KIRREL3: variants seen among roughly 807,000 people sequenced by gnomAD.
The protein encoded by KIRREL3 is kirre like nephrin family adhesion molecule 3.
In KIRREL3, 36 loss-of-function variants were observed where a neutral mutation model predicts 89.7. The ratio of observed to expected loss-of-function variants is 0.40; its 90% CI spans 0.31 to 0.53. The LOEUF is 0.53. Ranked by LOEUF, KIRREL3 falls within the 20% of genes least tolerant of loss-of-function variation. KIRREL3 has a pLI of 0.49. For synonymous variants in KIRREL3, 445 were observed against 441.4 expected (o/e 1.01, Z -0.10); for missense variants, 864 against 1,056.6 (o/e 0.82, Z 2.53).
intron 6 of KIRREL3, among the ~76,000 whole-genome samples, chr11:126,457,345 GTGTA>G (rs1050974474): frequency 7.9e-5 from 11 of 139,366 alleles, no homozygotes; most frequent in South Asian, 2.5e-4. Flanking sequence ...ATATGTGTGT[GTGTA>G]TGTATGTCTC....
intron 1 of KIRREL3, among the ~76,000 whole-genome samples, chr11:126,777,394 G>A (rs1019567790): frequency 1.8e-4 from 28 of 152,138 alleles, no homozygotes; most frequent in Non-Finnish European, 4.4e-5. Flanking sequence ...GTTAATGAAG[G>A]CAATGGCAAG....
In KIRREL3 at chr11:126,443,055, A is replaced by G. The variant is rs1451611590; in HGVS notation, c.1252+1924T>C. On this transcript the variant is annotated intron_variant, in intron 10 of 16. Transcript: ENST00000525144. The surrounding 1 kb of genome is among the most constrained non-coding windows in gnomAD (Gnocchi z 7.3). ...CCCCAGGGGGCATTCTCTCCTCAAG[A>G]AATCTCTTTAAATCTCCCTTGGAAA... 6.6e-6 allele frequency among the ~76,000 whole-genome samples: 1 copy of G among 152,146 alleles called. No homozygotes were observed. The highest frequency in any genetic ancestry group is 2.4e-5 in the African/African-American group (1 of 41,428).
At chr11:126,888,020 T>C (rs936718515) in intron 1 of KIRREL3, among the ~76,000 whole-genome samples, 1 of 152,154 alleles carries the variant, frequency 6.6e-6, no homozygotes, top group Non-Finnish European at 1.5e-5. Context: ...CCTTTAACCA[T>C]AAACAGGAAT....
chr11:126,781,731 A>T (rs972429391), intron 1 of KIRREL3, among the ~76,000 whole-genome samples: 1 of 152,234 alleles, frequency 6.6e-6, no homozygotes, highest in Non-Finnish European at 1.5e-5. Flanking sequence ...AGGACACCAA[A>T]GGGCTCTGTG....
Position 126,897,633 on chromosome 11 carries a change from A to G in KIRREL3, c.55+102822T>C, listed in dbSNP as rs1946219383. Among the ~76,000 whole-genome samples, 1 of 152,208 alleles carries G rather than the reference A, an allele frequency of 6.6e-6. No homozygotes were observed. The highest frequency in any genetic ancestry group is 1.5e-5 in the Non-Finnish European group (1 of 68,034). ...TTCTCTCCATGTTGCACAATACCACATCAAAAATACATTTGCAGCAAAGCT... is the reference window on the plus strand; with the variant it reads ...TTCTCTCCATGTTGCACAATACCACGTCAAAAATACATTTGCAGCAAAGCT... On this transcript the variant is annotated intron_variant, in intron 1 of 16. Coordinates refer to ENST00000525144, the MANE Select transcript of KIRREL3 (RefSeq NM_032531.4). The surrounding 1 kb of genome is among the most constrained non-coding windows in gnomAD (Gnocchi z 4.2).
rs1036192710 is a variant in KIRREL3, at chr11:126,918,998, A to G, written c.55+81457T>C. Among the ~76,000 whole-genome samples the G allele has an allele frequency of 9.4e-5, 14 of 149,552 alleles. No homozygotes were observed. The highest frequency in any genetic ancestry group is 1.9e-4 in the Non-Finnish European group (13 of 67,508). ...TACATCATATTATATTATTATTTGT[A>G]TTATATATATGTATATATGTATTAT... is the stretch of plus-strand genomic sequence containing the variant. On this transcript the variant is annotated intron_variant, in intron 1 of 16. Coordinates refer to ENST00000525144, the MANE Select transcript of KIRREL3 (RefSeq NM_032531.4). This position sits in a 1 kb window ranked among gnomAD's most constrained non-coding sequence, Gnocchi z 6.5.
rs1364403807 is a variant in KIRREL3 at position 126,719,154 on chromosome 11, T to A, written c.56-156242A>T. On this transcript the variant is annotated intron_variant, in intron 1 of 16. Transcript: ENST00000525144. The surrounding 1 kb of genome is among the most constrained non-coding windows in gnomAD (Gnocchi z 4.7). Reference sequence around the variant, plus strand: ...ATCTAGACAAACGCATTTCCCTTCATTCCGACACTCGGTAACCCACTTATT... The same window carrying A: ...ATCTAGACAAACGCATTTCCCTTCAATCCGACACTCGGTAACCCACTTATT... Among the ~76,000 whole-genome samples, 1 of 152,236 alleles carries A rather than the reference T, an allele frequency of 6.6e-6. No individual in the cohort carries two copies. Among genetic ancestry groups the A allele is most frequent in the Non-Finnish European group, 1.5e-5 (1 of 68,038 alleles).
chr11:126,465,792 G>A lies in KIRREL3; in HGVS notation c.592-2485C>T, dbSNP rs561735795. 5.3e-5 allele frequency among the ~76,000 whole-genome samples: 8 copies of A among 152,282 alleles called. No individual in the cohort carries two copies. In the East Asian group the frequency reaches 7.7e-4, roughly 15 times the overall value. On this transcript the variant is annotated intron_variant, in intron 5 of 16. Coordinates refer to ENST00000525144, the MANE Select transcript of KIRREL3 (RefSeq NM_032531.4). ...GAAGTTGAACCCCAAGCCAAAGCCC[G>A]GGCAGGGAGGGAGCAGCAGCTGGCA... is the stretch of plus-strand genomic sequence containing the variant.
chr11:126,636,604 T>C lies in KIRREL3; in HGVS notation c.56-73692A>G, dbSNP rs1249369427. 1.3e-5 allele frequency among the ~76,000 whole-genome samples: 2 copies of C among 152,208 alleles called. No homozygotes were observed. The highest frequency in any genetic ancestry group is 4.8e-5 in the African/African-American group (2 of 41,454). On this transcript the variant is annotated intron_variant, in intron 1 of 16. Transcript: ENST00000525144. This position sits in a 1 kb window ranked among gnomAD's most constrained non-coding sequence, Gnocchi z 4.4. ...CTCTGAGTCTTACCTTAGTCTCCTGTCTTTTCTTCTGCCCTCCTGGACCCA... is the reference window on the plus strand; with the variant it reads ...CTCTGAGTCTTACCTTAGTCTCCTGCCTTTTCTTCTGCCCTCCTGGACCCA...
At chr11:126,591,574 G>GGACCTGA (rs1047129862) in intron 1 of KIRREL3, among the ~76,000 whole-genome samples, 1 of 152,186 alleles carries the variant, frequency 6.6e-6, no homozygotes, top group African/African-American at 2.4e-5. Flanking sequence ...GCCATGCTCT[G>GGACCTGA]CCTTGCACCT....
At chr11:126,469,140 C>T (rs1319873444) in intron 5 of KIRREL3, among the ~76,000 whole-genome samples, 1 of 152,344 alleles carries the variant, frequency 6.6e-6, no homozygotes, top group East Asian at 1.9e-4. Flanking sequence ...GACAGGGAGG[C>T]ACGGCAAGGT....
At chr11:126,618,705 G>A (rs955587586) in intron 1 of KIRREL3, among the ~76,000 whole-genome samples, 7 of 152,230 alleles carry the variant, frequency 4.6e-5, no homozygotes, top group Non-Finnish European at 8.8e-5. Flanking sequence ...AAAGCGCTGG[G>A]ATTACAAGCA....
At chr11:126,660,890 A>G (rs1199800083) in intron 1 of KIRREL3, among the ~76,000 whole-genome samples, 1 of 152,156 alleles carries the variant, frequency 6.6e-6, no homozygotes, top group African/African-American at 2.4e-5. Context: ...CTTGGCAAAC[A>G]ACTGTGTTTT....
chr11:126,953,235 A>G lies in KIRREL3; in HGVS notation c.55+47220T>C, dbSNP rs1565453414. Among the ~76,000 whole-genome samples, 1 of 152,176 alleles carries G rather than the reference A, an allele frequency of 6.6e-6. No individual in the cohort carries two copies. The stretch of plus-strand genomic sequence containing the variant: ...ATTCTCAGCAAACTAACACAGGAAC[A>G]GAAAACCAAATATCACATGTTCTCA... On this transcript the variant is annotated intron_variant, in intron 1 of 16. Transcript: ENST00000525144. The surrounding 1 kb of genome is among the most constrained non-coding windows in gnomAD (Gnocchi z 5.2).
chr11:126,640,411 G>A lies in KIRREL3; in HGVS notation c.56-77499C>T, dbSNP rs768842812. Among the ~76,000 whole-genome samples the A allele has an allele frequency of 1.4e-4, 22 of 152,206 alleles. No homozygotes were observed. The South Asian group carries it at 1.9e-3, about 13-fold the overall frequency. ...ACAGAATTAAAAGGCATCCTCATCC[G>A]GAACTAGCAAACAGACTGTCAGTTC... On this transcript the variant is annotated intron_variant, in intron 1 of 16. Coordinates refer to ENST00000525144, the MANE Select transcript of KIRREL3 (RefSeq NM_032531.4). The surrounding 1 kb of genome is among the most constrained non-coding windows in gnomAD (Gnocchi z 4.9).
intron 2 of KIRREL3, among the ~76,000 whole-genome samples, chr11:126,539,786 G>A (rs1026578261): frequency 5.9e-5 from 9 of 152,198 alleles, no homozygotes; most frequent in African/African-American, 2.2e-4. Context: ...GGAAGGAGGT[G>A]TGAAGAACTC....
chr11:126,531,044 G>T lies in KIRREL3; in HGVS notation c.134-4357C>A, dbSNP rs1005146549. 6.6e-5 allele frequency among the ~76,000 whole-genome samples: 10 copies of T among 152,072 alleles called. No individual in the cohort carries two copies. The highest frequency in any genetic ancestry group is 9.7e-5 in the African/African-American group (4 of 41,396). ...AGGGTTTCACCATATTGGCCAGGCT[G>T]GTCTCGAACTCCTGACCTCATGATC... On this transcript the variant is annotated intron_variant, in intron 2 of 16. Transcript: ENST00000525144. The surrounding 1 kb of genome is among the most constrained non-coding windows in gnomAD (Gnocchi z 4.7).
intron 1 of KIRREL3, among the ~76,000 whole-genome samples, chr11:126,777,693 A>C (rs1950208739): frequency 6.6e-6 from 1 of 152,190 alleles, no homozygotes; most frequent in Non-Finnish European, 1.5e-5. Context: ...ACATAAAACC[A>C]CGTAGATATT....
Position 126,923,325 on chromosome 11 carries a change from T to TCTTCTTCCTTCTCCTTCTC in KIRREL3, c.55+77111_55+77129dup, listed in dbSNP as rs1297081642. Among the ~76,000 whole-genome samples the TCTTCTTCCTTCTCCTTCTC allele has an allele frequency of 2.2e-4, 31 of 141,828 alleles. 1 individual carries two copies. Among genetic ancestry groups the TCTTCTTCCTTCTCCTTCTC allele is most frequent in the African/African-American group, 8.0e-4 (29 of 36,120 alleles). 93.0% of individuals were successfully genotyped at this position (141,828 alleles called of 152,430 possible). A position where few individuals can be genotyped will look rare whatever the true frequency, so the allele number is the denominator to read the frequency against. ...CCTTCTCCTTCTCCTTCTTCCTTCT[T>TCTTCTTCCTTCTCCTTCTC]CTTCTTCCTTCTCCTTCTCCTTCTT... is the stretch of plus-strand genomic sequence containing the variant. On this transcript the variant is annotated intron_variant, in intron 1 of 16. Coordinates refer to ENST00000525144, the MANE Select transcript of KIRREL3 (RefSeq NM_032531.4).
Sources: gnomAD v4.1 joint callset for allele counts (sites outside exome capture counted in the v4.1 genomes callset) on GRCh38, gnomAD v4.1.1 for gene constraint, Gnocchi (gnomAD v3.1) non-coding constraint, MANE v1.5 for transcripts, NCBI Gene and HGNC (gene_info 2026-07-23, HGNC 2026-07-21) for gene names.